TSG101: variants seen among roughly 807,000 people sequenced by gnomAD.
The protein encoded by TSG101 is tumor susceptibility gene 101 protein.
A neutral mutation model predicts 48.5 loss-of-function variants in TSG101; 19 were observed. The observed-to-expected ratio is 0.39, with a 90% confidence interval of 0.27 to 0.58. The LOEUF is 0.58. Ranked by LOEUF, TSG101 falls within the 20% of genes least tolerant of loss-of-function variation. The probability of loss-of-function intolerance (pLI) is 0.55; values close to 1 mark genes in which losing one functional copy is unlikely to be tolerated. For synonymous variants in TSG101, 174 were observed against 169.4 expected, an observed-to-expected ratio of 1.03 and a Z score of -0.21; for missense variants, 365 against 484.4, an observed-to-expected ratio of 0.75 and a Z score of 2.31.
At chr11:18,481,341 G>T in intron 9 of TSG101, 1 of 1,122,292 alleles carries the variant, frequency 8.9e-7, no homozygotes, top group Non-Finnish European at 1.1e-6. Context: ...ATGGAAATCT[G>T]ATCGTACCTC....
At chr11:18,496,018 A>T (rs1449018975) in intron 7 of TSG101, among the ~76,000 whole-genome samples, 2 of 152,110 alleles carry the variant, frequency 1.3e-5, no homozygotes, top group Non-Finnish European at 2.9e-5. Flanking sequence ...GGAGGGGCCA[A>T]TTAGTCCACT....
In TSG101 at chr11:18,490,831, ATT is replaced by A. The variant is rs369716520; in HGVS notation, c.641-6761_641-6760del. The A allele has an allele frequency of 7.5e-4, 409 of 545,518 alleles. 3 individuals carry two copies. Among genetic ancestry groups the A allele is most frequent in the African/African-American group, 7.3e-3 (382 of 52,212 alleles). 33.8% of individuals were successfully genotyped at this position (545,518 alleles called of 1,614,324 possible). A position where few individuals can be genotyped will look rare whatever the true frequency, so the allele number is the denominator to read the frequency against. On this transcript the variant is annotated intron_variant, in intron 7 of 9. Transcript: ENST00000251968. ...TGTTCTTGTAGGCAACAGAGAGCAGATTTCTCTCTTCGTTGGAGTATTCATGC... is the reference window on the plus strand; with the variant it reads ...TGTTCTTGTAGGCAACAGAGAGCAGATCTCTCTTCGTTGGAGTATTCATGC...
chr11:18,520,798 C>T (rs553152622), intron 1 of TSG101, among the ~76,000 whole-genome samples: 3 of 151,934 alleles, frequency 2.0e-5, no homozygotes, highest in East Asian at 1.9e-4. Flanking sequence ...TTTGGGAGGC[C>T]GAGGCAGGCG....
At chr11:18,501,888 A>AAATCAT (rs1849896059) in intron 7 of TSG101, among the ~76,000 whole-genome samples, 1 of 152,164 alleles carries the variant, frequency 6.6e-6, no homozygotes, top group Middle Eastern at 3.2e-3. Flanking sequence ...ATTAGAGGGG[A>AAATCAT]TAAGGTCTAG....
At chr11:18,512,797 G>A (rs543761860) in intron 4 of TSG101, among the ~76,000 whole-genome samples, 8 of 145,842 alleles carry the variant, frequency 5.5e-5, no homozygotes, top group South Asian at 4.3e-4. Flanking sequence ...GTGCGATCTC[G>A]GCTCACTGCA....
chr11:18,499,281 A>G (rs1849838397), intron 7 of TSG101, among the ~76,000 whole-genome samples: 2 of 125,730 alleles, frequency 1.6e-5, no homozygotes, highest in Admixed American at 1.9e-4. Context: ...ATATTTATAT[A>G]TATCATATAT....
At chr11:18,483,362 G>C (rs983836743) in intron 8 of TSG101, among the ~76,000 whole-genome samples, 1 of 152,042 alleles carries the variant, frequency 6.6e-6, no homozygotes, top group African/African-American at 2.4e-5. Flanking sequence ...CAAGCATGGT[G>C]GCAGGCACCT....
chr11:18,506,813 G>T, intron 6 of TSG101, 44 bp downstream of exon 6: 2 of 1,445,158 alleles, frequency 1.4e-6, no homozygotes. Flanking sequence ...AGATCTAATA[G>T]AAGAATTTGT....
intron 8 of TSG101, among the ~76,000 whole-genome samples, chr11:18,483,519 C>T (rs1030590359): frequency 6.8e-6 from 1 of 147,162 alleles, no homozygotes; most frequent in Non-Finnish European, 1.5e-5. Context: ...AAAGGAGTGC[C>T]TTTTGCCTCC....
chr11:18,510,190 G>T (rs754197792), intron 4 of TSG101, among the ~76,000 whole-genome samples: 8 of 152,072 alleles, frequency 5.3e-5, no homozygotes, highest in Non-Finnish European at 1.0e-4. Context: ...GGAGGCCAAG[G>T]TGGGTGGACT....
Position 18,514,706 on chromosome 11 carries a change from T to C in TSG101, c.329A>G (p.Tyr110Cys), listed in dbSNP as rs767623706. Residue 110 changes from tyrosine (Y) to cysteine (C), a missense_variant, in exon 4 of 10, where the codon TAT (tyrosine) becomes TGT (cysteine). Tyr to Cys is a radical substitution (Grantham distance 194, BLOSUM62 -2). Coordinates refer to ENST00000251968, the MANE Select transcript of TSG101 (RefSeq NM_006292.4). ...TTTCCATTCATGTAGATAAGGAAGA[T>C]ATATCTTCCCATTTGCATCAACATG... ...GKHVDANGKI[Y>C]LPYLHEWKHP... 2.5e-6 allele frequency: 4 copies of C among 1,586,718 alleles called. No individual in the cohort carries two copies. Among genetic ancestry groups the C allele is most frequent in the Non-Finnish European group, 3.4e-6 (4 of 1,172,414 alleles).
intron 7 of TSG101, among the ~76,000 whole-genome samples, chr11:18,488,987 T>G (rs1011689099): frequency 1.7e-4 from 26 of 151,856 alleles, no homozygotes; most frequent in Non-Finnish European, 3.5e-4. Flanking sequence ...TGGTGGTGCG[T>G]GCCTGTAGTC....
chr11:18,483,922 T>C lies in TSG101; in HGVS notation c.791A>G (p.Lys264Arg). Residue 264 changes from lysine to arginine, a missense_variant, in exon 8 of 10, where the codon AAA becomes AGA. Lys to Arg is a conservative substitution (Grantham distance 26, BLOSUM62 2). Transcript: ENST00000251968. The part of the protein sequence containing the change: ...NALKRTEEDL[K>R]KGHQKLEEMV... ...CTCTTCCAGTTTCTGGTGACCCTTTTTCAGGTCTTCTTCTGTTCGTTTCAA... is the reference window on the plus strand; with the variant it reads ...CTCTTCCAGTTTCTGGTGACCCTTTCTCAGGTCTTCTTCTGTTCGTTTCAA... 1 of 1,614,208 alleles carries C rather than the reference T, an allele frequency of 6.2e-7. No individual in the cohort carries two copies. Among genetic ancestry groups the C allele is most frequent in the East Asian group, 2.2e-5 (1 of 44,884 alleles).
At chr11:18,522,492 G>A (rs956703462) in intron 1 of TSG101, among the ~76,000 whole-genome samples, 2 of 152,078 alleles carry the variant, frequency 1.3e-5, no homozygotes, top group Admixed American at 6.6e-5. Flanking sequence ...AAATACATCC[G>A]GAATCTCCAC....
Position 18,483,939 on chromosome 11 carries a change from T to A in TSG101, c.774A>T (p.Arg258=), listed in dbSNP as rs1258751845. The change falls in exon 8 of 10, where the codon CGA becomes CGT. Residue 258 remains arginine, a synonymous_variant. Transcript: ENST00000251968. ...GACCCTTTTTCAGGTCTTCTTCTGT[T>A]CGTTTCAAGGCATTGAGCTCTGCCT... is the stretch of plus-strand genomic sequence containing the variant. The part of the protein sequence containing the change: ...RAQAELNALK[R]TEEDLKKGHQ... The A allele has an allele frequency of 1.2e-6, 2 of 1,614,196 alleles. No individual in the cohort carries two copies. The highest frequency in any genetic ancestry group is 3.3e-5 in the Admixed American group (2 of 60,026).
At chr11:18,516,458 C>T (rs577012454) in intron 2 of TSG101, among the ~76,000 whole-genome samples, 1 of 151,958 alleles carries the variant, frequency 6.6e-6, no homozygotes, top group Non-Finnish European at 1.5e-5. Context: ...GATTCTCCTG[C>T]CTCAGCATCC....
intron 6 of TSG101, among the ~76,000 whole-genome samples, chr11:18,505,529 T>C (rs1849955976): frequency 6.6e-6 from 1 of 151,570 alleles, no homozygotes; most frequent in Non-Finnish European, 1.5e-5. Context: ...CTGGGTGGGA[T>C]TTTAAGTTAG....
intron 1 of TSG101, among the ~76,000 whole-genome samples, chr11:18,521,665 C>T (rs1205993667): frequency 7.3e-6 from 1 of 136,646 alleles, no homozygotes; most frequent in Non-Finnish European, 1.5e-5. Flanking sequence ...GCACCTGGCC[C>T]CTTCCTTTTT....
intron 6 of TSG101, among the ~76,000 whole-genome samples, chr11:18,505,331 A>G (rs1849951645): frequency 6.6e-6 from 1 of 151,198 alleles, no homozygotes. Context: ...ATTACGGCTC[A>G]TTGCATCCTC....
Sources: allele counts gnomAD v4.1 joint callset (sites outside exome capture counted in the v4.1 genomes callset), GRCh38; gene constraint gnomAD v4.1.1; transcripts MANE v1.5; gene names NCBI Gene and HGNC (gene_info 2026-07-23, HGNC 2026-07-21).